The following NPHP4 variants were observed in gnomAD, a reference collection of about 807,000 sequenced individuals.
NPHP4 encodes nephrocystin 4, also known as nephrocystin-4.
NPHP4 carries 151 observed loss-of-function variants against 155.8 expected under a neutral mutation model. The observed-to-expected ratio is 0.97, with a 90% confidence interval of 0.85 to 1.11. NPHP4 has a LOEUF of 1.11. Ranked by LOEUF, NPHP4 falls within the 50% of genes least tolerant of loss-of-function variation. The probability of loss-of-function intolerance (pLI) is 0.00; values close to 1 mark genes in which losing one functional copy is unlikely to be tolerated. For missense variants in NPHP4, 1,956 were observed against 1,925.7 expected (o/e 1.02, Z -0.29); for synonymous variants, 845 against 816.8 (o/e 1.03, Z -0.59).
In NPHP4 at chr1:5,910,196, G is replaced by C. The variant is rs12059448; in HGVS notation, c.1442-983C>G. On this transcript the variant is annotated intron_variant, in intron 11 of 29. Coordinates refer to ENST00000378156, the MANE Select transcript of NPHP4 (RefSeq NM_015102.5). This position sits in a 1 kb window ranked among gnomAD's most constrained non-coding sequence, Gnocchi z 5.4. ...ACGGGGCCACCTCTGCCCACTCAGA[G>C]GCCAGGGTGGGAGCCCTGCACACTG... Among the ~76,000 whole-genome samples, 754 of 152,274 alleles carry C rather than the reference G, an allele frequency of 5.0e-3. 4 individuals are homozygous for C. The highest frequency in any genetic ancestry group is 0.018 in the African/African-American group (729 of 41,552).
Position 5,927,639 on chromosome 1 carries a change from A to G in NPHP4, c.1441+10T>C, listed in dbSNP as rs1217806870. The stretch of plus-strand genomic sequence containing the variant: ...TGTGCCTGGCCAGTCAGCTCTCTGG[A>G]AACACTTACTCGAAGGGGACGTGGG... On this transcript the variant is annotated intron_variant, in intron 11 of 29. Coordinates refer to ENST00000378156, the MANE Select transcript of NPHP4 (RefSeq NM_015102.5). 5 of 1,596,288 alleles carry G rather than the reference A, an allele frequency of 3.1e-6. No homozygotes were observed. The highest frequency in any genetic ancestry group is 3.4e-5 in the Admixed American group (2 of 59,486).
chr1:5,896,049 G>A (rs943562591), intron 16 of NPHP4, among the ~76,000 whole-genome samples: 1 of 152,230 alleles, frequency 6.6e-6, no homozygotes, highest in Non-Finnish European at 1.5e-5. Flanking sequence ...AGTGTATTTG[G>A]TATGTTACCA....
rs1473048944 is a variant in NPHP4, at chr1:5,863,908, G to C, written c.4122C>G (p.Phe1374Leu). The change falls in exon 29 of 30, where the codon TTC (phenylalanine) becomes TTG (leucine). Residue 1374 changes from phenylalanine to leucine, a missense_variant. Transcript: ENST00000378156. Reference sequence around the variant, plus strand: ...ACCACACCTGGAAGGAGTCCTCTCTGAACCGCAGCAGCTCCGGGTGGTCGC... The same window carrying C: ...ACCACACCTGGAAGGAGTCCTCTCTCAACCGCAGCAGCTCCGGGTGGTCGC... ...LHSDHPELLR[F>L]REDSFQVGGG... 2.5e-6 allele frequency: 4 copies of C among 1,613,920 alleles called. No homozygotes were observed. The highest frequency in any genetic ancestry group is 2.2e-5 in the East Asian group (1 of 44,854).
At chr1:5,973,501 C>T (rs1200625416) in intron 3 of NPHP4, among the ~76,000 whole-genome samples, 1 of 152,176 alleles carries the variant, frequency 6.6e-6, no homozygotes. Context: ...GAGGGAGGAT[C>T]ACTTGAGCCC....
At chr1:5,893,783 A>G (rs945124544) in intron 16 of NPHP4, among the ~76,000 whole-genome samples, 11 of 152,092 alleles carry the variant, frequency 7.2e-5, no homozygotes, top group African/African-American at 2.4e-4. Flanking sequence ...GTTCCTTGAC[A>G]CTTTTCGCTA....
intron 3 of NPHP4, among the ~76,000 whole-genome samples, chr1:5,974,526 G>C (rs1653172212): frequency 6.6e-6 from 1 of 152,092 alleles, no homozygotes; most frequent in Non-Finnish European, 1.5e-5. Flanking sequence ...CACTTTTTTA[G>C]AAGTTGAATG....
At chr1:5,888,264 G>A (rs1643921244) in intron 17 of NPHP4, 2 of 870,420 alleles carry the variant, frequency 2.3e-6, no homozygotes, top group Non-Finnish European at 2.8e-6. Flanking sequence ...CCAACACTGT[G>A]AGGCATGTGG....
At chr1:5,918,993 G>A (rs942931679) in intron 11 of NPHP4, among the ~76,000 whole-genome samples, 2 of 152,196 alleles carry the variant, frequency 1.3e-5, no homozygotes, top group Non-Finnish European at 2.9e-5. Flanking sequence ...CTGCAGATCA[G>A]GGGTCTGCAA....
chr1:5,925,743 G>C (rs1645968688), intron 11 of NPHP4, among the ~76,000 whole-genome samples: 1 of 152,056 alleles, frequency 6.6e-6, no homozygotes, highest in Non-Finnish European at 1.5e-5. Flanking sequence ...AGCCTCCCAA[G>C]TAACTGGGAC....
At chr1:5,948,921 G>T (rs1400576518) in intron 7 of NPHP4, among the ~76,000 whole-genome samples, 2 of 152,184 alleles carry the variant, frequency 1.3e-5, no homozygotes, top group Non-Finnish European at 2.9e-5. Flanking sequence ...GGCTATTAGT[G>T]TTTATTAAAT....
rs1203271882 is a variant in NPHP4, at chr1:5,969,308, A to G, written c.280-49T>C. On this transcript the variant is annotated intron_variant, in intron 3 of 29. Coordinates refer to ENST00000378156, the MANE Select transcript of NPHP4 (RefSeq NM_015102.5). ...GGTCTGAGTGTTCAGGACACACACA[A>G]AGAGGACATGGGCGCTGTCCCCACC... 7 of 1,333,516 alleles carry G rather than the reference A, an allele frequency of 5.2e-6. No homozygotes were observed. The East Asian group carries it at 1.7e-4, about 33-fold the overall frequency. The allele number at this position is 1,333,516 out of a possible 1,614,324, so 82.6% of individuals were successfully genotyped here.
chr1:5,885,776 G>A (rs1017990491), intron 18 of NPHP4, among the ~76,000 whole-genome samples: 5 of 152,346 alleles, frequency 3.3e-5, no homozygotes, highest in South Asian at 4.1e-4. Context: ...GACGCCTACT[G>A]TACCACAGAA....
rs115757150 is a variant in NPHP4 at position 5,884,325 on chromosome 1, G to C, written c.2485+2961C>G. ...ACCCATCACCACCCAGTTCTCCTAG[G>C]ATGTCCTGTGAGAACACAGACGCTT... On this transcript the variant is annotated intron_variant, in intron 18 of 29. Coordinates refer to ENST00000378156, the MANE Select transcript of NPHP4 (RefSeq NM_015102.5). Among the ~76,000 whole-genome samples, 760 of 152,260 alleles carry C rather than the reference G, an allele frequency of 5.0e-3. 9 individuals carry two copies. The highest frequency in any genetic ancestry group is 0.017 in the African/African-American group (723 of 41,546).
intron 2 of NPHP4, among the ~76,000 whole-genome samples, chr1:5,984,484 G>A (rs938273472): frequency 6.6e-6 from 1 of 152,126 alleles, no homozygotes; most frequent in African/African-American, 2.4e-5. Flanking sequence ...ACAGTGAGCT[G>A]AGATCACACC....
At chr1:5,960,513 C>CA (rs1650103528) in intron 6 of NPHP4, among the ~76,000 whole-genome samples, 1 of 152,146 alleles carries the variant, frequency 6.6e-6, no homozygotes, top group Non-Finnish European at 1.5e-5. Flanking sequence ...CTCAGCACAG[C>CA]ACTGCTCTCG....
In NPHP4 at chr1:5,934,253, C is replaced by T. The variant is rs540005561; in HGVS notation, c.1120-924G>A. ...TTAAGTCACCAGGAAGCCGATTAGC[C>T]AGAGGCCCATGGGGTACAGGCAACA... On this transcript the variant is annotated intron_variant, in intron 9 of 29. Coordinates refer to ENST00000378156, the MANE Select transcript of NPHP4 (RefSeq NM_015102.5). Among the ~76,000 whole-genome samples the T allele has an allele frequency of 1.2e-4, 19 of 152,256 alleles. No individual in the cohort carries two copies. In the South Asian group the frequency reaches 3.7e-3, roughly 30 times the overall value.
In NPHP4 at chr1:5,864,236, A is replaced by T. The variant is rs932796048; in HGVS notation, c.3996+102T>A. 5.6e-6 allele frequency: 7 copies of T among 1,247,626 alleles called. No individual in the cohort carries two copies. The African/African-American group carries it at 1.0e-4, about 19-fold the overall frequency. 77.3% of individuals were successfully genotyped at this position (1,247,626 alleles called of 1,614,324 possible). Reference sequence around the variant, plus strand: ...GCACCCGGCCCTGCTGGGTCAGAACACTGTATCCAGTGGTCCGAGTCACAG... The same window carrying T: ...GCACCCGGCCCTGCTGGGTCAGAACTCTGTATCCAGTGGTCCGAGTCACAG... On this transcript the variant is annotated intron_variant, in intron 28 of 29. Coordinates refer to ENST00000378156, the MANE Select transcript of NPHP4 (RefSeq NM_015102.5).
chr1:5,916,040 C>A, intron 11 of NPHP4, among the ~76,000 whole-genome samples: 1 of 152,308 alleles, frequency 6.6e-6, no homozygotes, highest in East Asian at 1.9e-4. Context: ...TTTGCAATGA[C>A]CCCTTCTACA....
At chr1:5,913,536 G>A (rs1645298407) in intron 11 of NPHP4, among the ~76,000 whole-genome samples, 1 of 152,218 alleles carries the variant, frequency 6.6e-6, no homozygotes, top group African/African-American at 2.4e-5. Context: ...CAAAAGCCCT[G>A]CACTCAACTA....
Sources: allele counts gnomAD v4.1 joint callset (sites outside exome capture counted in the v4.1 genomes callset), GRCh38; gene constraint gnomAD v4.1.1; non-coding constraint Gnocchi (gnomAD v3.1); transcripts MANE v1.5; gene names NCBI Gene and HGNC (gene_info 2026-07-23, HGNC 2026-07-21).